Variants in COL25A1 observed in about 807,000 individuals in gnomAD.
COL25A1 encodes collagen type XXV alpha 1 chain.
COL25A1 carries 103 observed loss-of-function variants against 128.4 expected under a neutral mutation model. The observed-to-expected ratio is 0.80, with a 90% CI of 0.68 to 0.94. COL25A1 has a LOEUF of 0.94. Among genes scored for constraint, COL25A1 ranks in the 40% least tolerant of loss-of-function variants. The pLI, the probability that COL25A1 is intolerant of heterozygous loss-of-function variation, is 0.00. For missense variants in COL25A1, 745 were observed against 840.0 expected, an observed-to-expected ratio of 0.89 and a Z score of 1.40; for synonymous variants, 279 against 277.2, an observed-to-expected ratio of 1.01 and a Z score of -0.06.
intron 35 of COL25A1, among the ~76,000 whole-genome samples, chr4:108,821,088 C>A (rs1731728187): frequency 6.6e-6 from 1 of 152,124 alleles, no homozygotes; most frequent in Admixed American, 6.6e-5. Context: ...AGCAAAGCAA[C>A]ATGAATATTG....
At chr4:108,834,415 G>A (rs1202923214) in intron 31 of COL25A1, 2 of 1,550,058 alleles carry the variant, frequency 1.3e-6, no homozygotes, top group Admixed American at 2.0e-5. Context: ...TGGTAGCAGG[G>A]TTGGTGGGTG....
chr4:109,107,568 G>T (rs1406861175), intron 3 of COL25A1, among the ~76,000 whole-genome samples: 1 of 152,150 alleles, frequency 6.6e-6, no homozygotes, highest in Non-Finnish European at 1.5e-5. Context: ...AAATGCTGGA[G>T]GTGAGGAGAA....
intron 3 of COL25A1, among the ~76,000 whole-genome samples, chr4:109,284,820 C>A (rs1197191609): frequency 3.4e-5 from 5 of 148,360 alleles, no homozygotes; most frequent in Middle Eastern, 3.4e-3. Context: ...TTGAATTTGT[C>A]CCCCCATGCC....
intron 24 of COL25A1, among the ~76,000 whole-genome samples, chr4:108,853,166 C>A (rs1735999528): frequency 6.6e-6 from 1 of 151,914 alleles, no homozygotes; most frequent in Non-Finnish European, 1.5e-5. Flanking sequence ...AAAGAAATGT[C>A]AAAATTTTAA....
At chr4:108,834,084 G>A (rs2125734476) in intron 31 of COL25A1, among the ~76,000 whole-genome samples, 1 of 152,304 alleles carries the variant, frequency 6.6e-6, no homozygotes, top group East Asian at 1.9e-4. Flanking sequence ...CCATTAGTCT[G>A]GTCATTCTTC....
intron 3 of COL25A1, among the ~76,000 whole-genome samples, chr4:109,068,871 A>T (rs1457094716): frequency 6.6e-6 from 1 of 152,186 alleles, no homozygotes; most frequent in East Asian, 1.9e-4. Context: ...GAGCTTACAT[A>T]CAAACAGAGG....
intron 13 of COL25A1, among the ~76,000 whole-genome samples, chr4:108,909,914 C>A (rs1445588345): frequency 6.6e-6 from 1 of 152,174 alleles, no homozygotes; most frequent in Non-Finnish European, 1.5e-5. Flanking sequence ...ACCACAGCCT[C>A]CAAGCCCTGC....
At chr4:108,896,866 C>T (rs922010523) in intron 15 of COL25A1, among the ~76,000 whole-genome samples, 155 bp from the exon 16 acceptor site, 4 of 152,196 alleles carry the variant, frequency 2.6e-5, no homozygotes, top group Non-Finnish European at 5.9e-5. Flanking sequence ...GACCAGTTGT[C>T]TGATATCAAT....
intron 3 of COL25A1, among the ~76,000 whole-genome samples, chr4:109,081,772 TGGCTCACTGCAAACTCCATCTCCCG>T (rs1212535428): frequency 6.6e-6 from 1 of 152,028 alleles, no homozygotes; most frequent in Non-Finnish European, 1.5e-5. Context: ...GGCACAGTCT[TGGCTCACTGCAAACTCCATCTCCCG>T]GGCTCAAGCA....
chr4:109,227,381 G>A (rs1056269212), intron 3 of COL25A1, among the ~76,000 whole-genome samples: 1 of 152,220 alleles, frequency 6.6e-6, no homozygotes, highest in Non-Finnish European at 1.5e-5. Flanking sequence ...ATGTGTGAAG[G>A]AGCAGTAGTC....
At chr4:108,986,279 T>C (rs1753663423) in intron 6 of COL25A1, among the ~76,000 whole-genome samples, 2 of 152,216 alleles carry the variant, frequency 1.3e-5, no homozygotes, top group Non-Finnish European at 2.9e-5. Flanking sequence ...GGGCCCATTT[T>C]GTAATCTACA....
At chr4:109,036,972 T>A (rs1759418661) in intron 5 of COL25A1, among the ~76,000 whole-genome samples, 1 of 152,120 alleles carries the variant, frequency 6.6e-6, no homozygotes, top group African/African-American at 2.4e-5. Context: ...CTACTACAGT[T>A]GAATGAAATT....
At chr4:108,852,134 T>C in intron 26 of COL25A1, 102 bp downstream of exon 26, 1 of 909,512 alleles carries the variant, frequency 1.1e-6, no homozygotes, top group Non-Finnish European at 1.7e-6. Context: ...TGATCTCAGC[T>C]TCTTCAGCAT....
chr4:109,134,097 A>G (rs1490565709), intron 3 of COL25A1, among the ~76,000 whole-genome samples: 2 of 151,824 alleles, frequency 1.3e-5, no homozygotes, highest in African/African-American at 4.8e-5. Flanking sequence ...TGAAGATGAG[A>G]AAAAAAACGG....
chr4:109,261,945 T>C (rs566524868), intron 3 of COL25A1, among the ~76,000 whole-genome samples: 72 of 151,522 alleles, frequency 4.8e-4, no homozygotes, highest in Non-Finnish European at 5.9e-4. Context: ...GATCTGCCTT[T>C]CTCGGCCTCC....
chr4:109,107,105 T>A (rs1560703823), intron 3 of COL25A1, among the ~76,000 whole-genome samples: 2 of 152,180 alleles, frequency 1.3e-5, no homozygotes, highest in Non-Finnish European at 2.9e-5. Flanking sequence ...AAGTTTTTTT[T>A]AAACTTAGTT....
chr4:108,878,184 T>G (rs1739687419), intron 19 of COL25A1, among the ~76,000 whole-genome samples: 1 of 152,172 alleles, frequency 6.6e-6, no homozygotes, highest in African/African-American at 2.4e-5. Context: ...TTTTACCATT[T>G]GTTTTATTTT....
chr4:109,237,864 G>T (rs1004488941), intron 3 of COL25A1, among the ~76,000 whole-genome samples: 1 of 151,930 alleles, frequency 6.6e-6, no homozygotes, highest in African/African-American at 2.4e-5. Context: ...CAACCACTTT[G>T]TCTCTGAATT....
intron 8 of COL25A1, among the ~76,000 whole-genome samples, chr4:108,959,542 C>T (rs908830594): frequency 6.6e-6 from 1 of 152,124 alleles, no homozygotes; most frequent in Non-Finnish European, 1.5e-5. Context: ...AAAAGAAATT[C>T]CATATAAGTT....
Sources: gnomAD v4.1 joint callset for allele counts (sites outside exome capture counted in the v4.1 genomes callset) on GRCh38, gnomAD v4.1.1 for gene constraint, MANE v1.5 for transcripts, NCBI Gene and HGNC (gene_info 2026-07-23, HGNC 2026-07-21) for gene names.